The following MEI4 variants were observed in gnomAD, a reference collection of about 807,000 sequenced individuals.
MEI4 encodes the protein meiosis-specific protein MEI4.
A neutral mutation model predicts 31.4 loss-of-function variants in MEI4; 27 were observed. The ratio of observed to expected loss-of-function variants is 0.86; its 90% CI spans 0.63 to 1.19. The LOEUF (loss-of-function observed/expected upper bound fraction) is 1.19, where lower values mean the gene tolerates loss of function less well. Among genes scored for constraint, MEI4 ranks in the 50% most tolerant of loss-of-function variants. MEI4 has a pLI of 0.00. For synonymous variants in MEI4, 122 were observed against 145.4 expected (o/e 0.84, Z 1.16); for missense variants, 329 against 398.9 (o/e 0.82, Z 1.49).
rs762413008 is a variant in MEI4, at chr6:77,814,483, C to A, written c.769-14448C>A. Among the ~76,000 whole-genome samples, 4 of 152,054 alleles carry A rather than the reference C, an allele frequency of 2.6e-5. No individual in the cohort carries two copies. In the East Asian group the frequency reaches 7.7e-4, roughly 29 times the overall value. On this transcript the variant is annotated intron_variant, in intron 3 of 4. Coordinates refer to ENST00000684080, the MANE Select transcript of MEI4 (RefSeq NM_001322247.2). ...CAAGTGGTAGCTGGGTTTATTTTCA[C>A]TTTCTCAAAGTATAATCCTGTCTAT... is the stretch of plus-strand genomic sequence containing the variant.
At chr6:77,909,547 G>A (rs555159866) in intron 4 of MEI4, among the ~76,000 whole-genome samples, 8 of 152,238 alleles carry the variant, frequency 5.3e-5, no homozygotes, top group African/African-American at 1.9e-4. Context: ...AACAGGCTCT[G>A]AAATTGAGGC....
intron 4 of MEI4, among the ~76,000 whole-genome samples, chr6:77,910,189 T>A (rs1443385006): frequency 6.6e-6 from 1 of 152,088 alleles, no homozygotes; most frequent in Non-Finnish European, 1.5e-5. Context: ...TTCAACATAG[T>A]GTTGGAAGTT....
rs1194792023 is a variant in MEI4 at position 77,699,416 on chromosome 6, T to A, written c.232+8513T>A. Among the ~76,000 whole-genome samples, 6 of 152,056 alleles carry A rather than the reference T, an allele frequency of 3.9e-5. No homozygotes were observed. In the East Asian group the frequency reaches 1.2e-3, roughly 30 times the overall value. ...ACCGTTTTAGCCGGGATGGTCTCGA[T>A]CTCCTGACCTCGTGATCCGCCCGCC... is the stretch of plus-strand genomic sequence containing the variant. On this transcript the variant is annotated intron_variant, in intron 2 of 4. Transcript: ENST00000684080.
chr6:77,658,468 G>C (rs1468322174), intron 1 of MEI4, among the ~76,000 whole-genome samples: 1 of 152,060 alleles, frequency 6.6e-6, no homozygotes, highest in African/African-American at 2.4e-5. Flanking sequence ...TGACATTCCT[G>C]CCTTCTTATA....
chr6:77,758,786 G>GT (rs936105893), intron 2 of MEI4, among the ~76,000 whole-genome samples: 3 of 152,006 alleles, frequency 2.0e-5, no homozygotes, highest in Admixed American at 1.3e-4. Context: ...TATCCATTGT[G>GT]TTTTTTTATT....
intron 4 of MEI4, among the ~76,000 whole-genome samples, chr6:77,881,425 C>T (rs1410334844): frequency 2.0e-5 from 3 of 152,116 alleles, no homozygotes; most frequent in African/African-American, 4.8e-5. Flanking sequence ...ACAGATGTAT[C>T]GCAAAAGAAC....
intron 3 of MEI4, among the ~76,000 whole-genome samples, chr6:77,778,425 G>C (rs901564798): frequency 1.3e-5 from 2 of 152,106 alleles, no homozygotes; most frequent in Non-Finnish European, 2.9e-5. Context: ...TCCAGGCTAG[G>C]TGTGGTGGCT....
At chr6:77,663,444 T>G (rs1368397047) in intron 1 of MEI4, among the ~76,000 whole-genome samples, 1 of 151,770 alleles carries the variant, frequency 6.6e-6, no homozygotes, top group South Asian at 2.1e-4. Context: ...AGGCTTTGGA[T>G]TGGGAAGAAG....
intron 3 of MEI4, among the ~76,000 whole-genome samples, chr6:77,800,089 A>C (rs1284050631): frequency 2.0e-5 from 3 of 152,200 alleles, no homozygotes; most frequent in Non-Finnish European, 4.4e-5. Flanking sequence ...CTTGGGCAGT[A>C]TGGCCATTTT....
At position 77,690,868 on chromosome 6, in the gene MEI4, T is replaced by C. The variant is rs1408142965; in HGVS notation, c.197T>C (p.Leu66Pro). 2 of 1,231,218 alleles carry C rather than the reference T, an allele frequency of 1.6e-6. No individual in the cohort carries two copies. The highest frequency in any genetic ancestry group is 3.1e-5 in the African/African-American group (2 of 64,380). The allele number at this position is 1,231,218 out of a possible 1,614,324, so 76.3% of individuals were successfully genotyped here. ...GTTATGCAATTACGTCAAAAACTTC[T>C]TGTGAGCAGGCTTTGTTCAGGATCC... ...AEVMQLRQKL[L>P]VSRLCSGSFK... The change falls in exon 2 of 5, where the codon CTT becomes CCT. Residue 66 changes from leucine to proline, a missense_variant. Leu to Pro is a moderately conservative substitution (Grantham distance 98, BLOSUM62 -3). Transcript: ENST00000684080.
intron 4 of MEI4, among the ~76,000 whole-genome samples, chr6:77,899,336 AC>A (rs1766144119): frequency 6.6e-6 from 1 of 152,104 alleles, no homozygotes; most frequent in South Asian, 2.1e-4. Flanking sequence ...GATATGGCTT[AC>A]TATCTGGTGA....
At chr6:77,708,329 G>C (rs1240871047) in intron 2 of MEI4, among the ~76,000 whole-genome samples, 1 of 152,170 alleles carries the variant, frequency 6.6e-6, no homozygotes, top group Non-Finnish European at 1.5e-5. Flanking sequence ...CATGGGATCT[G>C]TTGCCCCTTT....
At chr6:77,655,694 C>A (rs990785542) in intron 1 of MEI4, among the ~76,000 whole-genome samples, 1 of 152,012 alleles carries the variant, frequency 6.6e-6, no homozygotes, top group African/African-American at 2.4e-5. Context: ...AGGAATCATT[C>A]TTTTATTACT....
At chr6:77,727,963 T>G (rs890732984) in intron 2 of MEI4, among the ~76,000 whole-genome samples, 1 of 152,176 alleles carries the variant, frequency 6.6e-6, no homozygotes, top group Non-Finnish European at 1.5e-5. Context: ...ATCAGACTAA[T>G]CAATGCCCAC....
At chr6:77,845,298 A>G (rs1339509149) in intron 4 of MEI4, among the ~76,000 whole-genome samples, 2 of 152,066 alleles carry the variant, frequency 1.3e-5, no homozygotes, top group East Asian at 3.9e-4. Flanking sequence ...ATTGTTTCCA[A>G]CTTCCAAAGA....
At chr6:77,814,774 C>A (rs1414157276) in intron 3 of MEI4, among the ~76,000 whole-genome samples, 1 of 151,908 alleles carries the variant, frequency 6.6e-6, no homozygotes, top group African/African-American at 2.4e-5. Context: ...TTCCCTTTTC[C>A]CCCTCTATCC....
intron 1 of MEI4, among the ~76,000 whole-genome samples, chr6:77,670,164 C>T (rs1768712893): frequency 6.6e-6 from 1 of 152,064 alleles, no homozygotes; most frequent in Non-Finnish European, 1.5e-5. Context: ...CTGCAATTTG[C>T]ACATACTGGT....
intron 4 of MEI4, among the ~76,000 whole-genome samples, chr6:77,889,022 C>T (rs1172390198): frequency 6.6e-6 from 1 of 152,144 alleles, no homozygotes; most frequent in Admixed American, 6.5e-5. Context: ...CTCCTCAGCC[C>T]TGTAGAACTG....
At chr6:77,739,985 T>A (rs549323468) in intron 2 of MEI4, among the ~76,000 whole-genome samples, 13 of 152,344 alleles carry the variant, frequency 8.5e-5, no homozygotes, top group African/African-American at 3.1e-4. Context: ...GTCCCAGAGA[T>A]CCTGTTATGT....
Sources: allele counts gnomAD v4.1 joint callset (sites outside exome capture counted in the v4.1 genomes callset), GRCh38; gene constraint gnomAD v4.1.1; transcripts MANE v1.5; gene names NCBI Gene and HGNC (gene_info 2026-07-23, HGNC 2026-07-21).